CHST11: variants seen among roughly 807,000 people sequenced by gnomAD.
CHST11 encodes the protein carbohydrate sulfotransferase 11.
Under a neutral mutation model 30.4 loss-of-function variants are expected in CHST11, and 9 were observed. The observed-to-expected ratio is 0.30, with a 90% CI of 0.18 to 0.52. CHST11 has a LOEUF of 0.52. Ranked by LOEUF, CHST11 falls within the 20% of genes least tolerant of loss-of-function variation. The pLI is 0.97. For synonymous variants in CHST11, 152 were observed against 187.8 expected (o/e 0.81, Z 1.56); for missense variants, 348 against 460.6 (o/e 0.76, Z 2.24).
intron 2 of CHST11, among the ~76,000 whole-genome samples, chr12:104,752,721 G>A (rs2040443863): frequency 6.6e-6 from 1 of 152,058 alleles, no homozygotes; most frequent in African/African-American, 2.4e-5. Flanking sequence ...TACAAATGGG[G>A]TTTCGCCATG....
At chr12:104,592,971 A>G (rs1003358077) in intron 1 of CHST11, among the ~76,000 whole-genome samples, 1 of 152,172 alleles carries the variant, frequency 6.6e-6, no homozygotes, top group Non-Finnish European at 1.5e-5. Context: ...ATTTTAATGT[A>G]TACACTATAT....
intron 1 of CHST11, among the ~76,000 whole-genome samples, chr12:104,495,783 C>G (rs970395150): frequency 1.3e-5 from 2 of 152,214 alleles, no homozygotes; most frequent in Non-Finnish European, 2.9e-5. Flanking sequence ...ACACAACGAA[C>G]TGAAGCCTGT....
intron 2 of CHST11, among the ~76,000 whole-genome samples, chr12:104,689,356 A>G (rs1318847417): frequency 6.6e-6 from 1 of 152,212 alleles, no homozygotes; most frequent in Non-Finnish European, 1.5e-5. Context: ...GGATAGGCCC[A>G]ATGGCTGTTC....
At chr12:104,613,182 T>TG (rs78232442) in intron 2 of CHST11, among the ~76,000 whole-genome samples, 6,105 of 150,496 alleles carry the variant, frequency 0.041, 312 homozygotes, top group South Asian at 0.12. Context: ...CTCCCCAGCT[T>TG]GGGGAGACCC....
At chr12:104,516,806 C>T (rs1322182637) in intron 1 of CHST11, among the ~76,000 whole-genome samples, 1 of 151,818 alleles carries the variant, frequency 6.6e-6, no homozygotes, top group South Asian at 2.1e-4. Context: ...GCAGAAGGGG[C>T]ACATTAGGAG....
At chr12:104,648,884 C>T (rs1169575405) in intron 2 of CHST11, among the ~76,000 whole-genome samples, 1 of 152,182 alleles carries the variant, frequency 6.6e-6, no homozygotes, top group Non-Finnish European at 1.5e-5. Context: ...AAACTGGCAA[C>T]AGAGATGAGC....
rs1456567753 is a variant in CHST11 at position 104,729,132 on chromosome 12, A to T, written c.205-27817A>T. Among the ~76,000 whole-genome samples the T allele has an allele frequency of 6.6e-6, 1 of 152,192 alleles. No homozygotes were observed. The highest frequency in any genetic ancestry group is 1.5e-5 in the Non-Finnish European group (1 of 68,032). On this transcript the variant is annotated intron_variant, in intron 2 of 2. Transcript: ENST00000303694. This position sits in a 1 kb window ranked among gnomAD's most constrained non-coding sequence, Gnocchi z 4.0. Reference sequence around the variant, plus strand: ...AGTTGTTTTAAGGATAACAGCAAGCAGGAAACAAAAGAGACAGAAAAAACA... The same window carrying T: ...AGTTGTTTTAAGGATAACAGCAAGCTGGAAACAAAAGAGACAGAAAAAACA...
At chr12:104,604,880 C>A (rs1041544308) in intron 2 of CHST11, among the ~76,000 whole-genome samples, 1 of 152,052 alleles carries the variant, frequency 6.6e-6, no homozygotes, top group African/African-American at 2.4e-5. Context: ...GTTACCAGTA[C>A]CATAGGCCAG....
At chr12:104,605,970 CT>C (rs1283384383) in intron 2 of CHST11, among the ~76,000 whole-genome samples, 1 of 152,108 alleles carries the variant, frequency 6.6e-6, no homozygotes, top group Admixed American at 6.5e-5. Flanking sequence ...CTGCTTGGTT[CT>C]TTCTTTAGCA....
chr12:104,576,139 C>T (rs777534704), intron 1 of CHST11, among the ~76,000 whole-genome samples: 4 of 152,068 alleles, frequency 2.6e-5, no homozygotes, highest in Non-Finnish European at 5.9e-5. Flanking sequence ...GTTAAGTATT[C>T]ACTGTGCTTC....
At chr12:104,488,566 CGTGTGTATGT>C (rs1424560374) in intron 1 of CHST11, among the ~76,000 whole-genome samples, 8 of 112,018 alleles carry the variant, frequency 7.1e-5, no homozygotes, top group African/African-American at 1.6e-4. Flanking sequence ...TGTGTGTATG[CGTGTGTATGT>C]GTGTGTATGT....
At chr12:104,554,488 G>A (rs2038436053) in intron 1 of CHST11, among the ~76,000 whole-genome samples, 1 of 152,210 alleles carries the variant, frequency 6.6e-6, no homozygotes, top group East Asian at 1.9e-4. Flanking sequence ...TGCTCCTGGT[G>A]ATGATTCAGG....
chr12:104,599,235 C>A (rs1219404486), intron 1 of CHST11, among the ~76,000 whole-genome samples: 3 of 152,174 alleles, frequency 2.0e-5, no homozygotes, highest in Non-Finnish European at 4.4e-5. Flanking sequence ...GGCAAAGAAC[C>A]CAAGGTTCAG....
intron 1 of CHST11, among the ~76,000 whole-genome samples, chr12:104,543,291 C>T (rs1328648438): frequency 6.6e-6 from 1 of 152,214 alleles, no homozygotes; most frequent in Non-Finnish European, 1.5e-5. Flanking sequence ...GCCTCCATGA[C>T]GCAAACACCT....
chr12:104,553,867 G>A (rs973764660), intron 1 of CHST11, among the ~76,000 whole-genome samples: 14 of 152,112 alleles, frequency 9.2e-5, no homozygotes, highest in Admixed American at 6.5e-5. Flanking sequence ...TTTGGGTCAG[G>A]AACATGAGCA....
At position 104,570,353 on chromosome 12, in the gene CHST11, G is replaced by A. The variant is rs192616275; in HGVS notation, c.119-31553G>A. Among the ~76,000 whole-genome samples, 96 of 152,252 alleles carry A rather than the reference G, an allele frequency of 6.3e-4. 1 individual carries two copies. Among genetic ancestry groups the A allele is most frequent in the African/African-American group, 2.3e-3 (94 of 41,530 alleles). ...CCCACTAGTAGGTGTGTGAGCAGCT[G>A]CAGATTTTACCGTCTGTAAACCTTC... On this transcript the variant is annotated intron_variant, in intron 1 of 2. Coordinates refer to ENST00000303694, the MANE Select transcript of CHST11 (RefSeq NM_018413.6).
chr12:104,578,648 C>G (rs1284019293), intron 1 of CHST11, among the ~76,000 whole-genome samples: 2 of 152,190 alleles, frequency 1.3e-5, no homozygotes, highest in African/African-American at 4.8e-5. Flanking sequence ...CTGTCTGATA[C>G]TATTTAGTCA....
At chr12:104,564,431 CTAAAG>C (rs1284157951) in intron 1 of CHST11, among the ~76,000 whole-genome samples, 1 of 152,234 alleles carries the variant, frequency 6.6e-6, no homozygotes, top group Admixed American at 6.5e-5. Context: ...CTTCTTATCT[CTAAAG>C]TAGAGATCAT....
At chr12:104,619,211 C>T (rs1354205175) in intron 2 of CHST11, among the ~76,000 whole-genome samples, 2 of 152,226 alleles carry the variant, frequency 1.3e-5, no homozygotes, top group Admixed American at 6.5e-5. Flanking sequence ...CTACACCTCT[C>T]GGTTTCCTGG....
Sources: allele counts gnomAD v4.1 joint callset (sites outside exome capture counted in the v4.1 genomes callset), GRCh38; gene constraint gnomAD v4.1.1; non-coding constraint Gnocchi (gnomAD v3.1); transcripts MANE v1.5; gene names NCBI Gene and HGNC (gene_info 2026-07-23, HGNC 2026-07-21).